Variants in THSD7B observed in about 807,000 individuals in gnomAD.
The protein encoded by THSD7B is thrombospondin type 1 domain containing 7B.
THSD7B carries 138 observed loss-of-function variants against 213.6 expected under a neutral mutation model. The observed-to-expected ratio is 0.65, with a 90% CI of 0.56 to 0.74. The LOEUF (loss-of-function observed/expected upper bound fraction) is 0.74, where lower values mean the gene tolerates loss of function less well. THSD7B is among the 30% of genes least tolerant of loss of function. The pLI, the probability that THSD7B is intolerant of heterozygous loss-of-function variation, is 0.00. For missense variants in THSD7B, 1,931 were observed against 1,991.5 expected (o/e 0.97, Z 0.58); for synonymous variants, 742 against 687.0 (o/e 1.08, Z -1.25).
At chr2:137,105,742 A>T (rs919675073) in intron 4 of THSD7B, among the ~76,000 whole-genome samples, 10 of 152,330 alleles carry the variant, frequency 6.6e-5, no homozygotes, top group African/African-American at 2.4e-4. Context: ...AATCACAAGG[A>T]TTCCTATAAA....
intron 16 of THSD7B, among the ~76,000 whole-genome samples, chr2:137,565,701 T>C (rs937510747): frequency 3.3e-5 from 5 of 152,168 alleles, no homozygotes; most frequent in African/African-American, 1.2e-4. Context: ...TGGCGAGGGC[T>C]TTTTGTACTG....
chr2:137,193,487 C>T (rs913874690), intron 7 of THSD7B, among the ~76,000 whole-genome samples: 1 of 152,052 alleles, frequency 6.6e-6, no homozygotes, highest in African/African-American at 2.4e-5. Context: ...TATTATTAAT[C>T]ATATTCACCA....
chr2:136,917,650 G>T (rs1172514031), intron 2 of THSD7B, among the ~76,000 whole-genome samples: 1 of 152,192 alleles, frequency 6.6e-6, no homozygotes, highest in East Asian at 1.9e-4. Context: ...TGTTCCCACA[G>T]ATGAGGCCTG....
At chr2:137,291,803 A>G (rs1683346024) in intron 12 of THSD7B, among the ~76,000 whole-genome samples, 2 of 152,270 alleles carry the variant, frequency 1.3e-5, no homozygotes, top group Middle Eastern at 3.4e-3. Context: ...TGATGCCAGG[A>G]TTATGAATCA....
intron 17 of THSD7B, among the ~76,000 whole-genome samples, chr2:137,592,737 A>G (rs1021229347): frequency 1.3e-5 from 2 of 151,928 alleles, no homozygotes; most frequent in East Asian, 3.9e-4. Context: ...GTGAAAATGC[A>G]TAGATCTCAA....
chr2:137,283,563 G>T (rs1008748495), intron 12 of THSD7B, among the ~76,000 whole-genome samples: 1 of 152,118 alleles, frequency 6.6e-6, no homozygotes, highest in Non-Finnish European at 1.5e-5. Flanking sequence ...ATTATTTTGA[G>T]ATACTTCCCA....
chr2:137,403,307 T>C (rs1686418651), intron 12 of THSD7B, among the ~76,000 whole-genome samples: 1 of 152,168 alleles, frequency 6.6e-6, no homozygotes, highest in South Asian at 2.1e-4. Flanking sequence ...AAGATAGATT[T>C]ATGGTGTTCA....
chr2:137,172,584 T>G (rs2104996858), intron 7 of THSD7B, among the ~76,000 whole-genome samples: 1 of 152,320 alleles, frequency 6.6e-6, no homozygotes, highest in Admixed American at 6.5e-5. Flanking sequence ...CTCTTCTGGC[T>G]TTTCATGTAT....
intron 1 of THSD7B, among the ~76,000 whole-genome samples, chr2:136,808,359 A>G (rs552744795): frequency 6.6e-6 from 1 of 152,308 alleles, no homozygotes; most frequent in East Asian, 1.9e-4. Context: ...TCCTTTGCCC[A>G]TTCCTTCCTG....
intron 4 of THSD7B, among the ~76,000 whole-genome samples, chr2:137,113,012 T>C (rs974528): frequency 0.58 from 87,782 of 152,062 alleles, 27,204 homozygotes; most frequent in Non-Finnish European, 0.68. Flanking sequence ...ATACTTGTCA[T>C]CTGTACCACA....
chr2:137,067,944 C>A (rs1490565921), intron 3 of THSD7B, among the ~76,000 whole-genome samples: 1 of 151,988 alleles, frequency 6.6e-6, no homozygotes, highest in Non-Finnish European at 1.5e-5. Context: ...AACTGGGCTC[C>A]CTTAAAGTTT....
intron 2 of THSD7B, among the ~76,000 whole-genome samples, chr2:137,006,931 CAT>C (rs1389518569): frequency 2.6e-5 from 4 of 152,222 alleles, no homozygotes; most frequent in South Asian, 2.1e-4. Context: ...CAAAAACTGA[CAT>C]ATAAAAAATT....
chr2:137,256,338 A>G (rs755840988), intron 10 of THSD7B, among the ~76,000 whole-genome samples: 11 of 152,210 alleles, frequency 7.2e-5, no homozygotes, highest in Non-Finnish European at 1.3e-4. Context: ...TGTTTTCTAT[A>G]ACAGGAATGA....
chr2:137,239,752 T>G (rs1341088254), intron 9 of THSD7B, among the ~76,000 whole-genome samples: 2 of 152,216 alleles, frequency 1.3e-5, no homozygotes, highest in Admixed American at 1.3e-4. Flanking sequence ...TCTTAGAACC[T>G]TTGTCAAAGT....
chr2:137,295,942 C>T (rs1489846941), intron 12 of THSD7B, among the ~76,000 whole-genome samples: 2 of 152,046 alleles, frequency 1.3e-5, no homozygotes, highest in Non-Finnish European at 2.9e-5. Context: ...GATCTGACCT[C>T]TTTCACTCAC....
rs946762632 is a variant in THSD7B, at chr2:137,075,318, C to T, written c.950+18088C>T. 2.0e-5 allele frequency among the ~76,000 whole-genome samples: 3 copies of T among 152,156 alleles called. No individual in the cohort carries two copies. In the South Asian group the frequency reaches 6.2e-4, roughly 32 times the overall value. On this transcript the variant is annotated intron_variant, in intron 3 of 27. Transcript: ENST00000409968. ...TCTTTTTTCTCTAAACTTCTCTTCTCACTTCATTTCATTCATTTTGTCTTC... is the reference window on the plus strand; with the variant it reads ...TCTTTTTTCTCTAAACTTCTCTTCTTACTTCATTTCATTCATTTTGTCTTC...
At chr2:136,907,126 G>T (rs1314723815) in intron 2 of THSD7B, among the ~76,000 whole-genome samples, 2 of 151,484 alleles carry the variant, frequency 1.3e-5, no homozygotes, top group East Asian at 2.0e-4. Flanking sequence ...TGTATATTTA[G>T]TAGAAACGGG....
intron 2 of THSD7B, among the ~76,000 whole-genome samples, chr2:136,893,856 A>G (rs957602662): frequency 2.0e-5 from 3 of 152,234 alleles, no homozygotes; most frequent in African/African-American, 4.8e-5. Context: ...AACATCACTC[A>G]TACTTATTAC....
rs117864847 is a variant in THSD7B at position 137,516,728 on chromosome 2, G to T, written c.3139-46493G>T. ...TAATTGCCATTGACATTTAGCAGCT[G>T]ACAGAACCCCCACATTGGCTCCCTG... On this transcript the variant is annotated intron_variant, in intron 15 of 27. Coordinates refer to ENST00000409968, the MANE Select transcript of THSD7B (RefSeq NM_001316349.2). 3.3e-5 allele frequency among the ~76,000 whole-genome samples: 5 copies of T among 152,178 alleles called. No homozygotes were observed. The East Asian group carries it at 9.7e-4, about 29-fold the overall frequency.
Sources: gnomAD v4.1 joint callset for allele counts (sites outside exome capture counted in the v4.1 genomes callset) on GRCh38, gnomAD v4.1.1 for gene constraint, MANE v1.5 for transcripts, NCBI Gene and HGNC (gene_info 2026-07-23, HGNC 2026-07-21) for gene names.